Variants in LDB2 observed in about 807,000 individuals in gnomAD.
LDB2 encodes LIM domain-binding protein 2.
In LDB2, 12 loss-of-function variants were observed where a neutral mutation model predicts 44.3. That is an observed-to-expected ratio of 0.27 (90% confidence interval 0.17 to 0.44). The LOEUF is 0.44. Ranked by LOEUF, LDB2 falls within the 20% of genes least tolerant of loss-of-function variation. The pLI is 1.00. For synonymous variants in LDB2, 164 were observed against 174.8 expected (o/e 0.94, Z 0.49); for missense variants, 344 against 473.5 (o/e 0.73, Z 2.54).
At chr4:16,659,693 G>A (rs1364766190) in intron 2 of LDB2, among the ~76,000 whole-genome samples, 353 of 108,192 alleles carry the variant, frequency 3.3e-3, no homozygotes, top group African/African-American at 0.011. Context: ...ATATATATAT[G>A]TATGTATGTA....
At chr4:16,732,741 C>A (rs771721073) in intron 2 of LDB2, among the ~76,000 whole-genome samples, 1 of 152,156 alleles carries the variant, frequency 6.6e-6, no homozygotes, top group Non-Finnish European at 1.5e-5. Flanking sequence ...ACATGTACAT[C>A]TGAAGGATCG....
intron 2 of LDB2, among the ~76,000 whole-genome samples, chr4:16,668,747 T>C (rs1033763935): frequency 2.0e-5 from 3 of 152,210 alleles, no homozygotes; most frequent in Admixed American, 2.0e-4. Context: ...CTCATGCAAC[T>C]GAAAACGCAA....
chr4:16,872,613 A>G (rs1175856223), intron 1 of LDB2, among the ~76,000 whole-genome samples: 1 of 152,252 alleles, frequency 6.6e-6, no homozygotes, highest in Non-Finnish European at 1.5e-5. Flanking sequence ...AAGTTTTTAA[A>G]GAATGAGAGC....
intron 2 of LDB2, among the ~76,000 whole-genome samples, chr4:16,659,554 G>A (rs948616825): frequency 6.8e-6 from 1 of 147,240 alleles, no homozygotes; most frequent in Non-Finnish European, 1.5e-5. Context: ...ATTTTAAGTA[G>A]GCAGGAGGGA....
chr4:16,755,528 TGAGAGAGAGAGAGACAGACAGACA>T (rs61544018), intron 2 of LDB2, among the ~76,000 whole-genome samples: 92,442 of 134,360 alleles, frequency 0.69, 33,186 homozygotes, highest in South Asian at 0.84. Flanking sequence ...TGTGTGTATG[TGAGAGAGAGAGAGACAGACAGACA>T]GAGAGAGAGA....
chr4:16,613,334 T>A (rs1052948625), intron 2 of LDB2, among the ~76,000 whole-genome samples: 5 of 152,136 alleles, frequency 3.3e-5, no homozygotes, highest in African/African-American at 1.2e-4. Context: ...CCACTCTTAT[T>A]CAACATAGTA....
At chr4:16,611,510 G>A (rs1189226294) in intron 2 of LDB2, among the ~76,000 whole-genome samples, 1 of 143,314 alleles carries the variant, frequency 7.0e-6, no homozygotes. Context: ...AATGAAGGGA[G>A]GGAGGAAACT....
At chr4:16,767,299 G>A (rs981052657) in intron 1 of LDB2, among the ~76,000 whole-genome samples, 2 of 152,296 alleles carry the variant, frequency 1.3e-5, no homozygotes, top group African/African-American at 2.4e-5. Flanking sequence ...CAACTTTGCC[G>A]ATCATTCTTT....
intron 2 of LDB2, among the ~76,000 whole-genome samples, chr4:16,645,934 C>T (rs894226040): frequency 6.6e-6 from 1 of 152,184 alleles, no homozygotes; most frequent in African/African-American, 2.4e-5. Context: ...GGGTGGCTGG[C>T]AGACATCCGA....
intron 2 of LDB2, among the ~76,000 whole-genome samples, chr4:16,629,342 G>A (rs943089491): frequency 2.0e-5 from 3 of 152,186 alleles, no homozygotes; most frequent in East Asian, 1.9e-4. Flanking sequence ...CCTGACCCCC[G>A]TGTAGCCTAA....
At chr4:16,785,937 G>T (rs1224016592) in intron 1 of LDB2, among the ~76,000 whole-genome samples, 1 of 152,114 alleles carries the variant, frequency 6.6e-6, no homozygotes, top group Non-Finnish European at 1.5e-5. Flanking sequence ...AAACTCAAGA[G>T]ACTCTCCCCA....
chr4:16,690,625 A>G (rs1236938173), intron 2 of LDB2, among the ~76,000 whole-genome samples: 4 of 151,778 alleles, frequency 2.6e-5, no homozygotes, highest in African/African-American at 9.7e-5. Flanking sequence ...GGTTTTTTAT[A>G]CCTGCTCTGA....
intron 2 of LDB2, among the ~76,000 whole-genome samples, chr4:16,605,935 A>G (rs561711342): frequency 6.6e-6 from 1 of 152,118 alleles, no homozygotes; most frequent in African/African-American, 2.4e-5. Flanking sequence ...ATACCTTTCT[A>G]TGGTGTTAAG....
intron 1 of LDB2, among the ~76,000 whole-genome samples, chr4:16,840,364 C>T (rs1247528991): frequency 1.3e-5 from 2 of 152,174 alleles, no homozygotes; most frequent in African/African-American, 2.4e-5. Flanking sequence ...ATATATCTTA[C>T]AATCTTTTAT....
intron 2 of LDB2, among the ~76,000 whole-genome samples, chr4:16,705,197 A>T (rs1305985988): frequency 6.6e-6 from 1 of 152,160 alleles, no homozygotes; most frequent in African/African-American, 2.4e-5. Context: ...TTCCTACTTC[A>T]CTTCATAGAA....
At chr4:16,726,162 T>C (rs535431958) in intron 2 of LDB2, among the ~76,000 whole-genome samples, 76 of 152,220 alleles carry the variant, frequency 5.0e-4, no homozygotes, top group African/African-American at 1.7e-3. Flanking sequence ...ATTAAATCTA[T>C]TTACTCAATT....
chr4:16,884,672 G>A (rs1721125157), intron 1 of LDB2, among the ~76,000 whole-genome samples: 1 of 152,176 alleles, frequency 6.6e-6, no homozygotes, highest in Non-Finnish European at 1.5e-5. Context: ...GCTCTTTTAA[G>A]AGAAGGACTC....
At chr4:16,553,531 G>T (rs1475765118) in intron 5 of LDB2, among the ~76,000 whole-genome samples, 10 of 150,272 alleles carry the variant, frequency 6.7e-5, no homozygotes, top group South Asian at 2.1e-4. Context: ...GGTTTTTTTT[G>T]TTGTTGTTGT....
intron 1 of LDB2, among the ~76,000 whole-genome samples, chr4:16,807,887 T>C (rs868845319): frequency 1.3e-5 from 2 of 152,302 alleles, no homozygotes; most frequent in Middle Eastern, 6.8e-3. Flanking sequence ...AAAGAGTACT[T>C]AGGAAGTGTA....
Sources: gnomAD v4.1 joint callset for allele counts (sites outside exome capture counted in the v4.1 genomes callset) on GRCh38, gnomAD v4.1.1 for gene constraint, MANE v1.5 for transcripts, NCBI Gene and HGNC (gene_info 2026-07-23, HGNC 2026-07-21) for gene names.